CCSER1: variants seen among roughly 807,000 people sequenced by gnomAD.
CCSER1 encodes the protein coiled-coil serine rich protein 1.
CCSER1 carries 41 observed loss-of-function variants against 82.0 expected under a neutral mutation model. The ratio of observed to expected loss-of-function variants is 0.50; its 90% CI spans 0.39 to 0.65. CCSER1 has a LOEUF of 0.65. Among genes scored for constraint, CCSER1 ranks in the 30% least tolerant of loss-of-function variants. The pLI is 0.00. For synonymous variants in CCSER1, 414 were observed against 383.9 expected (o/e 1.08, Z -0.92); for missense variants, 1,119 against 1,064.2 (o/e 1.05, Z -0.72).
intron 9 of CCSER1, among the ~76,000 whole-genome samples, chr4:90,992,228 T>C (rs572606589): frequency 5.3e-5 from 8 of 152,204 alleles, no homozygotes; most frequent in Non-Finnish European, 2.9e-5. Context: ...TACTGTTCTT[T>C]GTCATTTAAA....
At chr4:91,328,921 G>A (rs1746755358) in intron 10 of CCSER1, among the ~76,000 whole-genome samples, 1 of 151,990 alleles carries the variant, frequency 6.6e-6, no homozygotes, top group Non-Finnish European at 1.5e-5. Context: ...GAGATCTGAG[G>A]GATTTATAAG....
At chr4:91,586,998 G>A (rs1318926132) in intron 10 of CCSER1, among the ~76,000 whole-genome samples, 1 of 151,678 alleles carries the variant, frequency 6.6e-6, no homozygotes, top group Non-Finnish European at 1.5e-5. Flanking sequence ...CACAGAGAAT[G>A]AAAAATATTA....
rs74595779 is a variant in CCSER1 at position 91,551,233 on chromosome 4, T to C, written c.2218-47339T>C. On this transcript the variant is annotated intron_variant, in intron 10 of 10. Transcript: ENST00000509176. The stretch of plus-strand genomic sequence containing the variant: ...GCAGATTTTTGAAAGGCAATACTTA[T>C]GTTATTGTGTTAATTGCTTAAAATA... Among the ~76,000 whole-genome samples the C allele has an allele frequency of 6.5e-3, 994 of 152,224 alleles. 5 individuals carry two copies. Among genetic ancestry groups the C allele is most frequent in the African/African-American group, 0.018 (734 of 41,562 alleles).
At chr4:90,326,055 CT>C (rs371592827) in intron 3 of CCSER1, among the ~76,000 whole-genome samples, 2,001 of 111,550 alleles carry the variant, frequency 0.018, 13 homozygotes, top group African/African-American at 0.053. Context: ...TATGTGATAC[CT>C]TTTTTTTTTT....
chr4:90,482,350 G>A (rs1161150714), intron 5 of CCSER1, among the ~76,000 whole-genome samples: 1 of 152,044 alleles, frequency 6.6e-6, no homozygotes, highest in Non-Finnish European at 1.5e-5. Flanking sequence ...TTTTTGAAGG[G>A]CTTTTTGTGT....
chr4:90,844,075 C>G (rs1015524552), intron 8 of CCSER1, among the ~76,000 whole-genome samples: 4 of 151,510 alleles, frequency 2.6e-5, no homozygotes, highest in Non-Finnish European at 5.9e-5. Context: ...ATTGTACCAC[C>G]ATTCAAATCT....
intron 10 of CCSER1, among the ~76,000 whole-genome samples, chr4:91,365,928 A>C (rs1418948162): frequency 6.6e-6 from 1 of 152,188 alleles, no homozygotes; most frequent in African/African-American, 2.4e-5. Flanking sequence ...ATTTATGTAA[A>C]ATTAGAGTAC....
chr4:90,240,694 G>T (rs1285696948), intron 1 of CCSER1, among the ~76,000 whole-genome samples: 1 of 152,216 alleles, frequency 6.6e-6, no homozygotes, highest in South Asian at 2.1e-4. Flanking sequence ...ACATTTAGGT[G>T]CTGGTTATAG....
At chr4:90,161,868 G>T (rs1729517815) in intron 1 of CCSER1, among the ~76,000 whole-genome samples, 1 of 152,048 alleles carries the variant, frequency 6.6e-6, no homozygotes, top group Non-Finnish European at 1.5e-5. Context: ...AAGACCTAGA[G>T]AGCTAAAAGG....
chr4:90,311,722 AC>A (rs1735319592), intron 2 of CCSER1, among the ~76,000 whole-genome samples: 2 of 152,178 alleles, frequency 1.3e-5, no homozygotes, highest in African/African-American at 2.4e-5. Context: ...TGGCAATTTA[AC>A]TTTTATTCAT....
chr4:90,931,999 T>C (rs1325882770), intron 9 of CCSER1, among the ~76,000 whole-genome samples: 3 of 152,188 alleles, frequency 2.0e-5, no homozygotes, highest in Non-Finnish European at 4.4e-5. Flanking sequence ...ATTCCATAAA[T>C]GTTTGGCTTA....
At chr4:91,427,451 A>T (rs1251434016) in intron 10 of CCSER1, among the ~76,000 whole-genome samples, 1 of 152,134 alleles carries the variant, frequency 6.6e-6, no homozygotes, top group Non-Finnish European at 1.5e-5. Context: ...CAGCCATTCA[A>T]GGATTCAGTT....
chr4:90,524,616 G>A (rs1467336781), intron 5 of CCSER1, among the ~76,000 whole-genome samples: 6 of 151,948 alleles, frequency 3.9e-5, no homozygotes, highest in African/African-American at 4.8e-5. Flanking sequence ...CTACGGGCGC[G>A]TGCCACTACA....
At chr4:91,572,026 A>G (rs1448332235) in intron 10 of CCSER1, among the ~76,000 whole-genome samples, 1 of 152,024 alleles carries the variant, frequency 6.6e-6, no homozygotes. Context: ...GAGGCTTTCA[A>G]TTGCCCGTTA....
chr4:91,119,416 A>G (rs1010503995), intron 10 of CCSER1, among the ~76,000 whole-genome samples: 4 of 152,068 alleles, frequency 2.6e-5, no homozygotes, highest in Non-Finnish European at 5.9e-5. Context: ...CAAACCCCTG[A>G]GAACATTTCT....
chr4:90,564,960 G>A (rs1313855075), intron 5 of CCSER1, among the ~76,000 whole-genome samples: 1 of 151,168 alleles, frequency 6.6e-6, no homozygotes, highest in African/African-American at 2.4e-5. Flanking sequence ...GTAGTATAAT[G>A]TCTCTAACCT....
chr4:91,507,364 A>G (rs1183932307), intron 10 of CCSER1, among the ~76,000 whole-genome samples: 1 of 152,002 alleles, frequency 6.6e-6, no homozygotes, highest in Non-Finnish European at 1.5e-5. Flanking sequence ...TTTGATTTTC[A>G]TTTCTTCAAT....
At chr4:90,458,956 T>C (rs1236333293) in intron 4 of CCSER1, among the ~76,000 whole-genome samples, 2 of 152,286 alleles carry the variant, frequency 1.3e-5, no homozygotes, top group African/African-American at 4.8e-5. Flanking sequence ...AATAGCTAAT[T>C]TATCAGCAAT....
At chr4:90,793,711 T>C (rs1383033652) in intron 7 of CCSER1, among the ~76,000 whole-genome samples, 2 of 152,170 alleles carry the variant, frequency 1.3e-5, no homozygotes, top group African/African-American at 2.4e-5. Flanking sequence ...TGACAAATGG[T>C]ATTTCTGTTT....
Sources: allele counts gnomAD v4.1 joint callset (sites outside exome capture counted in the v4.1 genomes callset), GRCh38; gene constraint gnomAD v4.1.1; transcripts MANE v1.5; gene names NCBI Gene and HGNC (gene_info 2026-07-23, HGNC 2026-07-21).